SNAPC3: variants seen among roughly 807,000 people sequenced by gnomAD.
The protein encoded by SNAPC3 is snRNA-activating protein complex subunit 3.
Under a neutral mutation model 47.7 loss-of-function variants are expected in SNAPC3, and 56 were observed. That is an observed-to-expected ratio of 1.18 (90% CI 0.95 to 1.47). SNAPC3 has a LOEUF of 1.47. Ranked by LOEUF, SNAPC3 falls within the 40% of genes most tolerant of loss-of-function variation. The pLI, the probability that SNAPC3 is intolerant of heterozygous loss-of-function variation, is 0.00. For synonymous variants in SNAPC3, 235 were observed against 189.9 expected, an observed-to-expected ratio of 1.24 and a Z score of -1.95; for missense variants, 665 against 511.3, an observed-to-expected ratio of 1.30 and a Z score of -2.90.
rs1305351246 is a variant in SNAPC3, at chr9:15,447,184, C to T, written c.672C>T (p.Asp224=). The part of the protein sequence containing the change: ...QLRDSIRCVS[D]LQIGGEFSNT... Reference sequence around the variant, plus strand: ...GGGATTCAATTCGATGTGTCAGTGACCTCCAGATTGGTGGTGAATTCAGCA... The same window carrying T: ...GGGATTCAATTCGATGTGTCAGTGATCTCCAGATTGGTGGTGAATTCAGCA... Residue 224 remains aspartate, a synonymous_variant, in exon 5 of 9, where the codon GAC becomes GAT. Coordinates refer to ENST00000380821, the MANE Select transcript of SNAPC3 (RefSeq NM_001039697.2). The T allele has an allele frequency of 6.2e-7, 1 of 1,613,930 alleles. No homozygotes were observed. The highest frequency in any genetic ancestry group is 1.7e-5 in the Admixed American group (1 of 60,018).
intron 5 of SNAPC3, among the ~76,000 whole-genome samples, chr9:15,448,504 A>C (rs1041601647): frequency 6.6e-6 from 1 of 151,578 alleles, no homozygotes; most frequent in Non-Finnish European, 1.5e-5. Flanking sequence ...ATTTTTCTTG[A>C]CTCCTTTCTT....
chr9:15,443,513 G>C (rs2033680114), intron 3 of SNAPC3, among the ~76,000 whole-genome samples: 1 of 152,116 alleles, frequency 6.6e-6, no homozygotes, highest in South Asian at 2.1e-4. Flanking sequence ...CGTGGTCACT[G>C]ATGTTTCTGT....
At chr9:15,425,408 C>T (rs1009438971) in intron 2 of SNAPC3, among the ~76,000 whole-genome samples, 5 of 152,004 alleles carry the variant, frequency 3.3e-5, no homozygotes, top group African/African-American at 9.7e-5. Context: ...TTTGTAGAGA[C>T]GGGTTTCACC....
At chr9:15,435,244 C>T (rs2032648272) in intron 3 of SNAPC3, among the ~76,000 whole-genome samples, 1 of 152,052 alleles carries the variant, frequency 6.6e-6, no homozygotes, top group Non-Finnish European at 1.5e-5. Flanking sequence ...ATATTTTGTC[C>T]ATTTTCAAAT....
intron 2 of SNAPC3, among the ~76,000 whole-genome samples, chr9:15,425,191 C>G (rs2031198746): frequency 6.6e-6 from 1 of 152,186 alleles, no homozygotes; most frequent in Admixed American, 6.5e-5. Context: ...TCTCTCCCAT[C>G]TGAAACATAC....
At chr9:15,426,568 C>T (rs2031428270) in intron 2 of SNAPC3, among the ~76,000 whole-genome samples, 1 of 152,238 alleles carries the variant, frequency 6.6e-6, no homozygotes, top group South Asian at 2.1e-4. Context: ...TTTCAGAAGA[C>T]TCAGGAAGTG....
chr9:15,464,399 CAA>C (rs2035466867), downstream of SNAPC3: 1 of 196,388 alleles, frequency 5.1e-6, no homozygotes, highest in African/African-American at 2.3e-5. Context: ...CCCTAATATT[CAA>C]AATATCTTAG....
chr9:15,465,482 A>G (rs1330062392), downstream of SNAPC3: 6 of 1,472,984 alleles, frequency 4.1e-6, no homozygotes, highest in African/African-American at 2.9e-5. Context: ...AACCATTACA[A>G]ACTTCTCAAG....
At chr9:15,447,065 A>G (rs937433660) in intron 4 of SNAPC3, 30 bp from the exon 5 acceptor site, 9 of 1,600,808 alleles carry the variant, frequency 5.6e-6, no homozygotes, top group Non-Finnish European at 7.7e-6. Context: ...TTGTCTCTAA[A>G]TGAACACTTA....
intron 7 of SNAPC3, among the ~76,000 whole-genome samples, chr9:15,456,976 A>G (rs1226918602): frequency 1.3e-5 from 2 of 152,244 alleles, no homozygotes; most frequent in East Asian, 3.8e-4. Context: ...AGAGACCTTT[A>G]GAACAATTTT....
At chr9:15,437,622 G>GT (rs577506548) in intron 3 of SNAPC3, among the ~76,000 whole-genome samples, 18,726 of 115,614 alleles carry the variant, frequency 0.16, 2,611 homozygotes, top group African/African-American at 0.39. Context: ...ATGATCTGTT[G>GT]TTTTTTTTTT....
chr9:15,451,263 G>T, intron 5 of SNAPC3, 57 bp from the exon 6 acceptor site: 2 of 685,002 alleles, frequency 2.9e-6, no homozygotes, highest in Non-Finnish European at 2.5e-6. Flanking sequence ...AATACTTAGA[G>T]CAATTTCATC....
chr9:15,444,783 T>C, intron 4 of SNAPC3, 77 bp downstream of exon 4: 1 of 757,876 alleles, frequency 1.3e-6, no homozygotes, highest in South Asian at 1.7e-5. Flanking sequence ...AAGAGTCATA[T>C]TCCTATGCTT....
chr9:15,463,280 A>G (rs1056798773), downstream of SNAPC3: 19 of 122,012 alleles, frequency 1.6e-4, no homozygotes, highest in Non-Finnish European at 2.7e-4. Context: ...GCTGGAGTGC[A>G]GTGGGGCAAT....
At chr9:15,458,801 G>C (rs979280908) in intron 8 of SNAPC3, among the ~76,000 whole-genome samples, 2 of 152,104 alleles carry the variant, frequency 1.3e-5, no homozygotes, top group Non-Finnish European at 2.9e-5. Flanking sequence ...AGGAAATTTA[G>C]TACAGGTTGA....
intron 2 of SNAPC3, 28 bp downstream of exon 2, chr9:15,424,014 A>G (rs2030982086): frequency 2.3e-6 from 3 of 1,288,412 alleles, no homozygotes; most frequent in African/African-American, 1.5e-5. Flanking sequence ...TTTATGACCT[A>G]TTTATTTAAA....
At chr9:15,428,124 A>C (rs1437435409) in intron 2 of SNAPC3, among the ~76,000 whole-genome samples, 1 of 151,330 alleles carries the variant, frequency 6.6e-6, no homozygotes, top group Non-Finnish European at 1.5e-5. Context: ...AAAAAAAAAA[A>C]AAAAAAAAAC....
chr9:15,462,038 G>A (rs534587233), downstream of SNAPC3: 5 of 152,052 alleles, frequency 3.3e-5, no homozygotes, highest in South Asian at 6.2e-4. Context: ...TCAATACTGC[G>A]TTCCTTATAG....
Position 15,447,113 on chromosome 9 carries a change from T to C in SNAPC3, c.601T>C (p.Tyr201His), listed in dbSNP as rs771485954. The C allele has an allele frequency of 6.2e-7, 1 of 1,613,982 alleles. No individual in the cohort carries two copies. Among genetic ancestry groups the C allele is most frequent in the African/African-American group, 1.3e-5 (1 of 74,916 alleles). ...CTTTTAGCACAAAGAACACAAACCA[T>C]ACCAAACAATGCTGGTGTTGGGCAG... ...IFHKHKEHKPYQTMLVLGSQK... is the reference protein window; with the variant it reads ...IFHKHKEHKPHQTMLVLGSQK... The change falls in exon 5 of 9, where the codon TAC (tyrosine) becomes CAC (histidine). Residue 201 changes from tyrosine to histidine, a missense_variant. By Grantham distance (83) the Tyr-to-His change is moderately conservative. Transcript: ENST00000380821.
Sources: allele counts gnomAD v4.1 joint callset (sites outside exome capture counted in the v4.1 genomes callset), GRCh38; gene constraint gnomAD v4.1.1; transcripts MANE v1.5; gene names NCBI Gene and HGNC (gene_info 2026-07-23, HGNC 2026-07-21).